Variants in SLIT2 observed in about 807,000 individuals in gnomAD.
SLIT2 encodes the protein slit homolog 2 protein.
SLIT2 carries 41 observed loss-of-function variants against 185.7 expected under a neutral mutation model. The ratio of observed to expected loss-of-function variants is 0.22; its 90% confidence interval spans 0.17 to 0.29. The LOEUF is 0.29. SLIT2 is among the 10% of genes least tolerant of loss of function. SLIT2 has a pLI of 1.00. For synonymous variants in SLIT2, 693 were observed against 680.2 expected, an observed-to-expected ratio of 1.02 and a Z score of -0.29; for missense variants, 1,571 against 1,909.0, an observed-to-expected ratio of 0.82 and a Z score of 3.30.
intron 5 of SLIT2, among the ~76,000 whole-genome samples, chr4:20,479,364 G>A (rs79103313): frequency 0.037 from 5,555 of 152,128 alleles, 131 homozygotes; most frequent in East Asian, 0.058. Flanking sequence ...ATGTTCAAAC[G>A]GTTCTTTATG....
chr4:20,592,571 G>A (rs938368467), intron 30 of SLIT2, among the ~76,000 whole-genome samples: 58 of 152,174 alleles, frequency 3.8e-4, no homozygotes, highest in African/African-American at 1.4e-3. Flanking sequence ...TATTTGGAGA[G>A]AAGGGAATAT....
chr4:20,420,176 C>T (rs908389811), intron 4 of SLIT2, among the ~76,000 whole-genome samples: 1 of 152,172 alleles, frequency 6.6e-6, no homozygotes, highest in Non-Finnish European at 1.5e-5. Flanking sequence ...TTTCTCACTT[C>T]TAATGCGTAC....
intron 4 of SLIT2, among the ~76,000 whole-genome samples, chr4:20,366,183 C>T (rs1723103168): frequency 1.3e-5 from 2 of 152,046 alleles, no homozygotes; most frequent in Admixed American, 6.6e-5. Context: ...CTCTACTCCT[C>T]TTTGTCCTTC....
chr4:20,497,245 GT>G (rs1396282438), intron 9 of SLIT2, among the ~76,000 whole-genome samples: 1 of 97,860 alleles, frequency 1.0e-5, no homozygotes, highest in Non-Finnish European at 2.0e-5. Context: ...GAACTTTGTT[GT>G]TTAAAAAAAA....
chr4:20,314,090 C>A (rs1387619666), intron 4 of SLIT2, among the ~76,000 whole-genome samples: 1 of 152,118 alleles, frequency 6.6e-6, no homozygotes, highest in East Asian at 1.9e-4. Flanking sequence ...CTGCCAACCC[C>A]ATATTAAGAA....
chr4:20,492,437 C>A (rs1015627863), intron 9 of SLIT2, among the ~76,000 whole-genome samples: 3 of 152,202 alleles, frequency 2.0e-5, no homozygotes, highest in Non-Finnish European at 4.4e-5. Flanking sequence ...GTGTCTACCT[C>A]CATTAAAAGT....
chr4:20,346,000 G>A (rs1168918171), intron 4 of SLIT2, among the ~76,000 whole-genome samples: 1 of 151,122 alleles, frequency 6.6e-6, no homozygotes, highest in African/African-American at 2.4e-5. Flanking sequence ...TTTTGTTGTT[G>A]TTGTTGTTTT....
chr4:20,316,087 CAT>C (rs1481181427), intron 4 of SLIT2, among the ~76,000 whole-genome samples: 4 of 152,004 alleles, frequency 2.6e-5, no homozygotes, highest in Non-Finnish European at 5.9e-5. Context: ...CTAGGCAAAA[CAT>C]AAAGAACTTT....
intron 26 of SLIT2, chr4:20,554,201 G>A (rs1724034362): frequency 1.7e-6 from 1 of 590,688 alleles, no homozygotes; most frequent in Non-Finnish European, 3.1e-6. Flanking sequence ...TTTCTTGAAA[G>A]TGTATCAAAA....
chr4:20,546,852 GA>G (rs1455947992), intron 22 of SLIT2, among the ~76,000 whole-genome samples: 1 of 151,846 alleles, frequency 6.6e-6, no homozygotes, highest in Non-Finnish European at 1.5e-5. Context: ...TGGTAATTGA[GA>G]AAACTTTTCA....
Position 20,595,726 on chromosome 4 carries a change from A to T in SLIT2, c.3212A>T (p.Glu1071Val). Residue 1071 changes from glutamate (E) to valine (V), a missense_variant, in exon 31 of 37, where the codon GAA becomes GTA. By Grantham distance (121) the Glu-to-Val change is moderately radical. Coordinates refer to ENST00000504154, the MANE Select transcript of SLIT2 (RefSeq NM_004787.4). The stretch of plus-strand genomic sequence containing the variant: ...GACTGCACACCAGGGTACGTAGGTG[A>T]ACACTGCGACATCGATTTTGACGAC... The part of the protein sequence containing the change: ...KCDCTPGYVG[E>V]HCDIDFDDCQ... The T allele has an allele frequency of 6.2e-7, 1 of 1,614,170 alleles. No individual in the cohort carries two copies. The highest frequency in any genetic ancestry group is 1.3e-5 in the African/African-American group (1 of 75,046).
Position 20,467,807 on chromosome 4 carries a change from G to C in SLIT2, c.451G>C (p.Val151Leu). Residue 151 changes from valine to leucine, a missense_variant, in exon 5 of 37, where the codon GTT becomes CTT. Physicochemically the swap from Val to Leu is conservative, Grantham distance 32. Around this residue, in one of 3 missense-constraint regions of SLIT2, gnomAD observed 1,202 missense variants for 1,416.4 expected, o/e 0.85. Transcript: ENST00000504154. ...CCCAAGGAAAGCTTTCCGTGGGGCA[G>C]TTGACATAAAAAATTTGTAAGTATC... is the stretch of plus-strand genomic sequence containing the variant. The part of the protein sequence containing the change: ...AIPRKAFRGA[V>L]DIKNLQLDYN... 6.3e-7 allele frequency: 1 copy of C among 1,587,778 alleles called. No individual in the cohort carries two copies. Among genetic ancestry groups the C allele is most frequent in the Non-Finnish European group, 8.6e-7 (1 of 1,163,060 alleles).
chr4:20,548,698 G>A (rs990672736), intron 23 of SLIT2, 139 bp downstream of exon 23: 3 of 636,904 alleles, frequency 4.7e-6, no homozygotes, highest in Non-Finnish European at 8.5e-6. Flanking sequence ...ACAAAACCAC[G>A]ATACGTGAAC....
At chr4:20,372,035 G>A (rs1430625106) in intron 4 of SLIT2, among the ~76,000 whole-genome samples, 1 of 152,080 alleles carries the variant, frequency 6.6e-6, no homozygotes, top group African/African-American at 2.4e-5. Context: ...TCATCATTCT[G>A]TTGCTTCAAG....
At chr4:20,276,752 G>T (rs1714207416) in intron 4 of SLIT2, among the ~76,000 whole-genome samples, 1 of 152,130 alleles carries the variant, frequency 6.6e-6, no homozygotes, top group Admixed American at 6.6e-5. Context: ...AAGGTTGATT[G>T]CTTCCCCTCC....
At chr4:20,517,645 A>AT (rs1050348866) in intron 11 of SLIT2, among the ~76,000 whole-genome samples, 8 of 152,256 alleles carry the variant, frequency 5.3e-5, no homozygotes, top group Admixed American at 2.0e-4. Flanking sequence ...TAGTTATATC[A>AT]TGGAATCTAA....
chr4:20,272,935 C>G (rs950110832), intron 4 of SLIT2, among the ~76,000 whole-genome samples: 1 of 152,086 alleles, frequency 6.6e-6, no homozygotes, highest in Non-Finnish European at 1.5e-5. Flanking sequence ...CAAAGACTCT[C>G]TTTATGGCCT....
intron 26 of SLIT2, among the ~76,000 whole-genome samples, chr4:20,565,964 C>G (rs1000003480): frequency 4.6e-5 from 7 of 151,934 alleles, no homozygotes; most frequent in Non-Finnish European, 7.4e-5. Context: ...TGAAGAGATA[C>G]AATGAATCTC....
intron 34 of SLIT2, chr4:20,616,674 T>A (rs1328416112): frequency 4.8e-6 from 2 of 418,886 alleles, no homozygotes; most frequent in Non-Finnish European, 8.6e-6. Flanking sequence ...TAACCACCAA[T>A]CAACTAGGTA....
Sources: gnomAD v4.1 joint callset for allele counts (sites outside exome capture counted in the v4.1 genomes callset) on GRCh38, gnomAD v4.1.1 for gene constraint, gnomAD v4.1.1 regional missense constraint, MANE v1.5 for transcripts, NCBI Gene and HGNC (gene_info 2026-07-23, HGNC 2026-07-21) for gene names.